PDE1C: variants seen among roughly 807,000 people sequenced by gnomAD.
The protein encoded by PDE1C is dual specificity calcium/calmodulin-dependent 3',5'-cyclic nucleotide phosphodiesterase 1C.
Under a neutral mutation model 93.1 loss-of-function variants are expected in PDE1C, and 62 were observed. The ratio of observed to expected loss-of-function variants is 0.67; its 90% CI spans 0.54 to 0.82. The LOEUF (loss-of-function observed/expected upper bound fraction) is 0.82. Among genes scored for constraint, PDE1C ranks in the 40% least tolerant of loss-of-function variants. PDE1C has a pLI of 0.00. For synonymous variants in PDE1C, 325 were observed against 310.1 expected (o/e 1.05, Z -0.50); for missense variants, 742 against 884.6 (o/e 0.84, Z 2.04).
intron 1 of PDE1C, among the ~76,000 whole-genome samples, chr7:32,396,149 CAG>C (rs1784836713): frequency 6.6e-6 from 1 of 152,112 alleles, no homozygotes; most frequent in Admixed American, 6.6e-5. Flanking sequence ...CTAGCCCCAG[CAG>C]AGAGTAAAAC....
At chr7:32,104,826 A>G (rs1029407139) in intron 3 of PDE1C, among the ~76,000 whole-genome samples, 1 of 152,230 alleles carries the variant, frequency 6.6e-6, no homozygotes, top group Non-Finnish European at 1.5e-5. Flanking sequence ...ATGACTCACC[A>G]TGCAATTTAT....
At chr7:32,237,989 T>C (rs1808258381) in intron 1 of PDE1C, among the ~76,000 whole-genome samples, 1 of 151,786 alleles carries the variant, frequency 6.6e-6, no homozygotes. Flanking sequence ...AGGCTGGTCT[T>C]GAACTCCCGA....
chr7:31,956,992 A>G (rs1808239097), intron 2 of PDE1C, among the ~76,000 whole-genome samples: 1 of 152,018 alleles, frequency 6.6e-6, no homozygotes, highest in African/African-American at 2.4e-5. Context: ...CAAAAAGACT[A>G]TAATCTAAAC....
intron 1 of PDE1C, among the ~76,000 whole-genome samples, chr7:32,232,384 C>A (rs928109829): frequency 1.3e-5 from 2 of 152,154 alleles, no homozygotes; most frequent in African/African-American, 4.8e-5. Context: ...AGACTGCAAT[C>A]CCCTAAGATA....
intron 2 of PDE1C, among the ~76,000 whole-genome samples, chr7:32,027,607 TAAAAAAAAAAAAAAAAAAAAAAAA>T (rs551660766): frequency 5.1e-5 from 4 of 78,540 alleles, no homozygotes; most frequent in Admixed American, 1.5e-4. Context: ...TCAAAAATGG[TAAAAAAAAAAAAAAAAAAAAAAAA>T]AAAAAAAAAA....
chr7:32,264,342 A>G (rs773143127), intron 1 of PDE1C, among the ~76,000 whole-genome samples: 9 of 152,168 alleles, frequency 5.9e-5, no homozygotes, highest in Non-Finnish European at 1.2e-4. Flanking sequence ...ACATTATCTC[A>G]ATGACCCTTT....
At chr7:31,781,685 C>T (rs115203558) in intron 16 of PDE1C, among the ~76,000 whole-genome samples, 5,550 of 146,556 alleles carry the variant, frequency 0.038, 290 homozygotes, top group African/African-American at 0.12. Context: ...AGGTCTTCAA[C>T]GCCCCACCCC....
chr7:32,226,117 C>A (rs1807248207), intron 1 of PDE1C, among the ~76,000 whole-genome samples: 1 of 152,080 alleles, frequency 6.6e-6, no homozygotes, highest in Non-Finnish European at 1.5e-5. Flanking sequence ...TTTTGACGTC[C>A]ATTGTTGTTT....
chr7:32,189,100 A>G (rs890406680), intron 2 of PDE1C, among the ~76,000 whole-genome samples: 5 of 152,330 alleles, frequency 3.3e-5, no homozygotes, highest in African/African-American at 7.2e-5. Context: ...TTAGAAATTC[A>G]TCTGGTGCAG....
At chr7:32,427,074 T>C (rs1785548289) in intron 1 of PDE1C, among the ~76,000 whole-genome samples, 1 of 152,244 alleles carries the variant, frequency 6.6e-6, no homozygotes, top group Non-Finnish European at 1.5e-5. Flanking sequence ...ATGGAATCTT[T>C]GAATATCTCA....
At chr7:31,762,304 T>C (rs1794882501) in intron 17 of PDE1C, among the ~76,000 whole-genome samples, 1 of 152,184 alleles carries the variant, frequency 6.6e-6, no homozygotes, top group Admixed American at 6.5e-5. Flanking sequence ...TCAAGGTATA[T>C]TTCATATTAA....
rs529313965 is a variant in PDE1C, at chr7:32,084,205, G to C, written c.308+85580C>G. Reference sequence around the variant, plus strand: ...AAAAAAGGCAGGGGTTGCAATCCTAGTCTCTGATAAAACAGACTTTAAACC... The same window carrying C: ...AAAAAAGGCAGGGGTTGCAATCCTACTCTCTGATAAAACAGACTTTAAACC... On this transcript the variant is annotated intron_variant, in intron 3 of 18. Coordinates refer to the PDE1C transcript ENST00000396193. 2.0e-5 allele frequency among the ~76,000 whole-genome samples: 3 copies of C among 152,014 alleles called. No individual in the cohort carries two copies. In the South Asian group the frequency reaches 6.2e-4, roughly 32 times the overall value.
At chr7:32,377,384 T>C (rs1055402171) in intron 1 of PDE1C, among the ~76,000 whole-genome samples, 2 of 152,252 alleles carry the variant, frequency 1.3e-5, no homozygotes, top group African/African-American at 2.4e-5. Flanking sequence ...AGTTAGCCTG[T>C]AACACTCGTC....
At chr7:31,666,435 T>A in the PDE1C span, among the ~76,000 whole-genome samples, 1 of 152,214 alleles carries the variant, frequency 6.6e-6, no homozygotes, top group African/African-American at 2.4e-5. Flanking sequence ...GTACAATTAT[T>A]ATGTATTTAA....
chr7:32,135,111 C>A (rs576305681), intron 3 of PDE1C, among the ~76,000 whole-genome samples: 2 of 152,198 alleles, frequency 1.3e-5, no homozygotes, highest in East Asian at 1.9e-4. Context: ...AGAAGGCCAA[C>A]AAGAGACAAA....
At chr7:31,998,300 T>C (rs767803493) in intron 2 of PDE1C, among the ~76,000 whole-genome samples, 1 of 152,192 alleles carries the variant, frequency 6.6e-6, no homozygotes, top group Non-Finnish European at 1.5e-5. Flanking sequence ...ATTACAAGTG[T>C]GAGCCACCAC....
At chr7:32,145,934 C>T (rs1800806646) in intron 3 of PDE1C, among the ~76,000 whole-genome samples, 1 of 152,102 alleles carries the variant, frequency 6.6e-6, no homozygotes, top group African/African-American at 2.4e-5. Flanking sequence ...TCAGTGAAAA[C>T]TGTACCCTCA....
intron 1 of PDE1C, among the ~76,000 whole-genome samples, chr7:32,359,070 T>TA (rs1483324242): frequency 1.3e-5 from 2 of 152,150 alleles, no homozygotes; most frequent in South Asian, 2.1e-4. Context: ...ACGCCCTTGA[T>TA]ATATGATCAA....
At chr7:31,647,673 CAAAA>C in the PDE1C span, among the ~76,000 whole-genome samples, 226 of 69,366 alleles carry the variant, frequency 3.3e-3, 1 homozygote, top group African/African-American at 0.011. Flanking sequence ...GTCTCCGTCT[CAAAA>C]AAAAAAAAAA....
Sources: allele counts gnomAD v4.1 joint callset (sites outside exome capture counted in the v4.1 genomes callset), GRCh38; gene constraint gnomAD v4.1.1; transcripts MANE v1.5; gene names NCBI Gene and HGNC (gene_info 2026-07-23, HGNC 2026-07-21).